The following EFR3A variants were observed in gnomAD, a reference collection of about 807,000 sequenced individuals.
EFR3A encodes the protein EFR3 homolog A, also known as protein EFR3 homolog A.
A neutral mutation model predicts 104.4 loss-of-function variants in EFR3A; 76 were observed. The observed-to-expected ratio is 0.73, with a 90% CI of 0.60 to 0.88. The LOEUF (loss-of-function observed/expected upper bound fraction) is 0.88. Ranked by LOEUF, EFR3A falls within the 40% of genes least tolerant of loss-of-function variation. The pLI is 0.00. For missense variants in EFR3A, 985 were observed against 1,012.5 expected (o/e 0.97, Z 0.37); for synonymous variants, 330 against 330.0 (o/e 1.00, Z 0.00).
chr8:132,000,514 T>A (rs16904571), intron 19 of EFR3A, among the ~76,000 whole-genome samples: 50,929 of 151,892 alleles, frequency 0.34, 8,938 homozygotes, highest in East Asian at 0.61. Context: ...GTTAGTAGGG[T>A]AAGGTATTTT....
chr8:132,001,167 A>G (rs1821764005), intron 19 of EFR3A, among the ~76,000 whole-genome samples: 1 of 152,198 alleles, frequency 6.6e-6, no homozygotes, highest in Non-Finnish European at 1.5e-5. Context: ...GAGACTTGAA[A>G]GACATAAGTT....
chr8:132,008,665 C>G (rs1822162073), intron 22 of EFR3A, among the ~76,000 whole-genome samples: 1 of 151,408 alleles, frequency 6.6e-6, no homozygotes, highest in South Asian at 2.1e-4. Flanking sequence ...ATAGTTGTTG[C>G]ATGTGGATGT....
At chr8:131,959,169 A>C (rs1819177625) in intron 7 of EFR3A, among the ~76,000 whole-genome samples, 1 of 152,186 alleles carries the variant, frequency 6.6e-6, no homozygotes, top group Admixed American at 6.5e-5. Flanking sequence ...TTTAATTTTG[A>C]TACAGTAGGT....
At chr8:131,980,159 A>G (rs1188184767) in intron 14 of EFR3A, among the ~76,000 whole-genome samples, 1 of 152,022 alleles carries the variant, frequency 6.6e-6, no homozygotes, top group Non-Finnish European at 1.5e-5. Flanking sequence ...GGAAAAGGAG[A>G]CAGAGCCCCG....
rs1444941270 is a variant in EFR3A at position 131,953,973 on chromosome 8, T to TA, written c.638+13dup. On this transcript the variant is annotated splice_region_variant and intron_variant, in intron 6 of 22. Coordinates refer to ENST00000254624, the MANE Select transcript of EFR3A (RefSeq NM_015137.6). Reference sequence around the variant, plus strand: ...AAGATAGAAGAAGTTGACAGGTATTTAAAAAAATATTAGTGTTGAGACAGT... The same window carrying TA: ...AAGATAGAAGAAGTTGACAGGTATTTAAAAAAAATATTAGTGTTGAGACAGT... 7.2e-6 allele frequency: 11 copies of TA among 1,524,790 alleles called. No homozygotes were observed. The highest frequency in any genetic ancestry group is 1.4e-5 in the African/African-American group (1 of 71,788). 94.5% of individuals were successfully genotyped at this position (1,524,790 alleles called of 1,614,324 possible). A position where few individuals can be genotyped will look rare whatever the true frequency, so the allele number is the denominator to read the frequency against.
chr8:131,940,193 T>G, intron 1 of EFR3A: 1 of 285,452 alleles, frequency 3.5e-6, no homozygotes, highest in Non-Finnish European at 6.7e-6. Flanking sequence ...TATGCCGGAG[T>G]TGCGGGCAGA....
intron 5 of EFR3A, among the ~76,000 whole-genome samples, chr8:131,950,339 T>C (rs535701997): frequency 1.6e-4 from 24 of 152,248 alleles, no homozygotes; most frequent in African/African-American, 5.8e-4. Flanking sequence ...ATCCTGTCCT[T>C]CTATCATTTC....
chr8:131,996,003 G>A (rs566631505), intron 18 of EFR3A, among the ~76,000 whole-genome samples: 6 of 152,220 alleles, frequency 3.9e-5, no homozygotes, highest in South Asian at 4.1e-4. Flanking sequence ...TCACTGTTTC[G>A]TGAAAATATT....
intron 14 of EFR3A, among the ~76,000 whole-genome samples, chr8:131,981,021 T>TTATATATA (rs762282805): frequency 9.4e-4 from 119 of 126,038 alleles, no homozygotes; most frequent in South Asian, 7.1e-3. Flanking sequence ...GTATTTCATT[T>TTATATATA]TATATATATA....
At chr8:131,979,273 A>T in intron 13 of EFR3A, 73 bp from the exon 14 acceptor site, 1 of 1,221,824 alleles carries the variant, frequency 8.2e-7, no homozygotes, top group Non-Finnish European at 1.2e-6. Flanking sequence ...GTATAAATAC[A>T]ATTTTCCATA....
intron 12 of EFR3A, 98 bp downstream of exon 12, chr8:131,977,190 G>T: frequency 1.2e-6 from 1 of 841,294 alleles, no homozygotes; most frequent in Non-Finnish European, 1.8e-6. Flanking sequence ...TCTTAAGTAA[G>T]TTACTGTTTA....
At chr8:131,923,422 A>G (rs1048738532) in intron 1 of EFR3A, among the ~76,000 whole-genome samples, 3 of 150,884 alleles carry the variant, frequency 2.0e-5, no homozygotes, top group African/African-American at 7.3e-5. Context: ...AATGTTTTGT[A>G]CTCATTCTTT....
At chr8:131,977,353 G>C (rs535475907) in intron 12 of EFR3A, among the ~76,000 whole-genome samples, 1 of 152,074 alleles carries the variant, frequency 6.6e-6, no homozygotes, top group Admixed American at 6.6e-5. Context: ...AGATACCTGG[G>C]CCCAGAGACT....
intron 18 of EFR3A, among the ~76,000 whole-genome samples, chr8:131,990,703 G>T (rs899911204): frequency 3.3e-4 from 50 of 152,042 alleles, no homozygotes; most frequent in African/African-American, 1.2e-3. Context: ...TATTTTGATG[G>T]CATGTTAGTC....
At chr8:132,010,680 C>T in intron 22 of EFR3A, 110 bp from the exon 23 acceptor site, 1 of 1,310,528 alleles carries the variant, frequency 7.6e-7, no homozygotes, top group Non-Finnish European at 1.0e-6. Flanking sequence ...GCATTGATCA[C>T]TGCAATTAAG....
chr8:131,966,125 G>A (rs913351407), intron 8 of EFR3A, among the ~76,000 whole-genome samples: 6 of 152,092 alleles, frequency 3.9e-5, no homozygotes, highest in African/African-American at 1.4e-4. Context: ...ACGAGTTAAT[G>A]GGTGCAGCAC....
intron 8 of EFR3A, among the ~76,000 whole-genome samples, chr8:131,966,504 A>T (rs2130685260): frequency 6.6e-6 from 1 of 152,314 alleles, no homozygotes; most frequent in South Asian, 2.1e-4. Flanking sequence ...ACTAATACAT[A>T]TTAAGCATTT....
Position 131,919,242 on chromosome 8 carries a change from A to G in EFR3A, c.10+14920A>G, listed in dbSNP as rs557173088. ...TGCATATTAAGGTCACAGTAAGTAT[A>G]CCGAAGGAAATGATTGATTTTTAAA... On this transcript the variant is annotated intron_variant, in intron 1 of 22. Coordinates refer to ENST00000254624, the MANE Select transcript of EFR3A (RefSeq NM_015137.6). Among the ~76,000 whole-genome samples, 277 of 152,240 alleles carry G rather than the reference A, an allele frequency of 1.8e-3. 2 individuals carry two copies. The highest frequency in any genetic ancestry group is 6.5e-3 in the African/African-American group (269 of 41,538).
intron 1 of EFR3A, among the ~76,000 whole-genome samples, chr8:131,931,919 G>C (rs964580333): frequency 3.9e-5 from 6 of 152,004 alleles, no homozygotes; most frequent in Admixed American, 1.3e-4. Flanking sequence ...AGGAGAATAA[G>C]TAGGATTATC....
Sources: allele counts gnomAD v4.1 joint callset (sites outside exome capture counted in the v4.1 genomes callset), GRCh38; gene constraint gnomAD v4.1.1; transcripts MANE v1.5; gene names NCBI Gene and HGNC (gene_info 2026-07-23, HGNC 2026-07-21).